NHSL1: variants seen among roughly 807,000 people sequenced by gnomAD.
NHSL1 encodes the protein NHS like 1.
Under a neutral mutation model 95.0 loss-of-function variants are expected in NHSL1, and 48 were observed. The ratio of observed to expected loss-of-function variants is 0.51; its 90% CI spans 0.40 to 0.64. NHSL1 has a LOEUF of 0.64. Ranked by LOEUF, NHSL1 falls within the 30% of genes least tolerant of loss-of-function variation. The probability of loss-of-function intolerance (pLI) is 0.00; values close to 1 mark genes in which losing one functional copy is unlikely to be tolerated. For synonymous variants in NHSL1, 783 were observed against 833.9 expected (o/e 0.94, Z 1.05); for missense variants, 1,971 against 2,077.7 (o/e 0.95, Z 1.00).
intron 1 of NHSL1, among the ~76,000 whole-genome samples, chr6:138,668,236 T>C (rs1785319684): frequency 6.6e-6 from 1 of 152,066 alleles, no homozygotes; most frequent in African/African-American, 2.4e-5. Context: ...TCACCTGAGG[T>C]CAGGGGTTAG....
chr6:138,656,398 T>C (rs1295810136), intron 1 of NHSL1, among the ~76,000 whole-genome samples: 1 of 152,218 alleles, frequency 6.6e-6, no homozygotes. Flanking sequence ...TCCTAAGATG[T>C]TGTTTTGGCT....
At chr6:138,575,190 T>A (rs137855921), upstream of NHSL1, among the ~76,000 whole-genome samples, 7 of 152,248 alleles carry the variant, frequency 4.6e-5, no homozygotes, top group East Asian at 1.2e-3. Flanking sequence ...TGAGCCACCG[T>A]GCCTGGTCCA....
chr6:138,569,880 TA>T (rs1347104909), intron 1 of NHSL1, among the ~76,000 whole-genome samples: 150 of 147,480 alleles, frequency 1.0e-3, no homozygotes, highest in East Asian at 6.6e-3. Flanking sequence ...CCCAATTATT[TA>T]AAAAAAAAAA....
At chr6:138,520,835 T>C (rs1280840910) in intron 1 of NHSL1, among the ~76,000 whole-genome samples, 1 of 152,112 alleles carries the variant, frequency 6.6e-6, no homozygotes, top group Non-Finnish European at 1.5e-5. Flanking sequence ...GCTACTGTGA[T>C]CAACTAGGAA....
exon 1 of NHSL1, chr6:138,571,992 C>A (rs1783857159): frequency 2.6e-6 from 3 of 1,139,070 alleles, no homozygotes; most frequent in African/African-American, 3.1e-5. Flanking sequence ...CAGGTCCTCT[C>A]CACGAGCCTG....
At chr6:138,640,777 AC>A (rs1429709803) in intron 1 of NHSL1, among the ~76,000 whole-genome samples, 8 of 151,952 alleles carry the variant, frequency 5.3e-5, no homozygotes, top group Admixed American at 3.3e-4. Context: ...GGTTCCCCTA[AC>A]CCCCCACCCC....
At chr6:138,441,544 G>A (rs1776523794) in intron 5 of NHSL1, among the ~76,000 whole-genome samples, 2 of 152,150 alleles carry the variant, frequency 1.3e-5, no homozygotes, top group African/African-American at 4.8e-5. Flanking sequence ...CCAGACTGTT[G>A]TTTCTGATGA....
In NHSL1 at chr6:138,438,053, T is replaced by C. The variant is rs1776300700; in HGVS notation, c.664+3930A>G. 1.3e-5 allele frequency among the ~76,000 whole-genome samples: 2 copies of C among 152,216 alleles called. 1 individual carries two copies. Among genetic ancestry groups the C allele is most frequent in the South Asian group, 4.1e-4 (2 of 4,826 alleles). ...TTAGTTGATAAAGCAGCAGCAGGGT[T>C]TGAGAGATTGACTCAAATTTTTAAA... On this transcript the variant is annotated intron_variant, in intron 5 of 7. Transcript: ENST00000343505.
chr6:138,647,030 G>T (rs1277348543), intron 1 of NHSL1, among the ~76,000 whole-genome samples: 3 of 152,174 alleles, frequency 2.0e-5, no homozygotes, highest in African/African-American at 7.2e-5. Context: ...ATCCGTGATG[G>T]AGAGTAAAAT....
At chr6:138,441,768 T>G (rs1776537711) in intron 5 of NHSL1, among the ~76,000 whole-genome samples, 1 of 152,198 alleles carries the variant, frequency 6.6e-6, no homozygotes, top group African/African-American at 2.4e-5. Context: ...AGCTCTTCCT[T>G]CTCCTTGTAC....
At chr6:138,626,893 CAAAAAAAAAAAAAAAAAAAA>C (rs71009593) in intron 1 of NHSL1, among the ~76,000 whole-genome samples, 2 of 7,772 alleles carry the variant, frequency 2.6e-4, no homozygotes, top group African/African-American at 8.6e-4. Context: ...GACTCCGTCT[CAAAAAAAAAAAAAAAAAAAA>C]AAAAAAAAAA....
rs1461129690 is a variant in NHSL1, at chr6:138,692,112, T to C, written c.96+364A>G. 1 of 455,004 alleles carries C rather than the reference T, an allele frequency of 2.2e-6. No homozygotes were observed. Among genetic ancestry groups the C allele is most frequent in the Non-Finnish European group, 4.4e-6 (1 of 226,914 alleles). The allele number at this position is 455,004 out of a possible 1,614,324, so 28.2% of individuals were successfully genotyped here. Reference sequence around the variant, plus strand: ...TTCTCCCCTGGCTTTTCCAACAGGCTACCTGCCTGTGACAGTTTTCCCACG... The same window carrying C: ...TTCTCCCCTGGCTTTTCCAACAGGCCACCTGCCTGTGACAGTTTTCCCACG... On this transcript the variant is annotated intron_variant, in intron 1 of 3. Coordinates refer to the NHSL1 transcript ENST00000491526. This position sits in a 1 kb window ranked among gnomAD's most constrained non-coding sequence, Gnocchi z 4.0.
chr6:138,688,786 T>C (rs1456853070), intron 1 of NHSL1, among the ~76,000 whole-genome samples: 1 of 152,244 alleles, frequency 6.6e-6, no homozygotes, highest in Non-Finnish European at 1.5e-5. Flanking sequence ...CTATTTTCCA[T>C]GAGAACTTAC....
chr6:138,502,813 A>C (rs890043486), upstream of NHSL1, among the ~76,000 whole-genome samples: 6 of 152,204 alleles, frequency 3.9e-5, no homozygotes, highest in African/African-American at 1.4e-4. Context: ...CATGATGAAA[A>C]CTAAGAGTTA....
chr6:138,547,180 T>C (rs1412115535), upstream of NHSL1, among the ~76,000 whole-genome samples: 1 of 152,206 alleles, frequency 6.6e-6, no homozygotes, highest in African/African-American at 2.4e-5. Flanking sequence ...CGGTGCAGCA[T>C]ATCCCAGCTG....
intron 1 of NHSL1, among the ~76,000 whole-genome samples, chr6:138,647,725 C>T (rs9495179): frequency 4.9e-4 from 74 of 151,800 alleles, no homozygotes; most frequent in Admixed American, 1.4e-3. Context: ...CTCCGCCTCC[C>T]GAGTAGCTGG....
At chr6:138,490,757 T>C (rs992862111) in intron 2 of NHSL1, among the ~76,000 whole-genome samples, 3 of 152,104 alleles carry the variant, frequency 2.0e-5, no homozygotes, top group East Asian at 3.9e-4. Context: ...CTCAGCCTCC[T>C]GAGAAGGCTG....
intron 1 of NHSL1, among the ~76,000 whole-genome samples, chr6:138,557,495 A>G (rs1783236737): frequency 6.6e-6 from 1 of 152,238 alleles, no homozygotes; most frequent in Admixed American, 6.5e-5. Context: ...CTGTCGAAAG[A>G]GAAAGGCTTC....
intron 2 of NHSL1, among the ~76,000 whole-genome samples, chr6:138,481,615 TC>T (rs555359404): frequency 7.3e-4 from 111 of 152,342 alleles, no homozygotes; most frequent in Non-Finnish European, 1.3e-3. Context: ...ACAGATCTTT[TC>T]AATGAATATT....
Sources: allele counts gnomAD v4.1 joint callset (sites outside exome capture counted in the v4.1 genomes callset), GRCh38; gene constraint gnomAD v4.1.1; non-coding constraint Gnocchi (gnomAD v3.1); transcripts MANE v1.5; gene names NCBI Gene and HGNC (gene_info 2026-07-23, HGNC 2026-07-21).